The following SLC30A10 variants were observed in gnomAD, a reference collection of about 807,000 sequenced individuals.
The protein encoded by SLC30A10 is calcium/manganese antiporter SLC30A10.
A neutral mutation model predicts 21.7 loss-of-function variants in SLC30A10; 8 were observed. That is an observed-to-expected ratio of 0.37 (90% CI 0.22 to 0.67). The LOEUF (loss-of-function observed/expected upper bound fraction) is 0.67. Among genes scored for constraint, SLC30A10 ranks in the 30% least tolerant of loss-of-function variants. The pLI is 0.58. For synonymous variants in SLC30A10, 272 were observed against 279.4 expected (o/e 0.97, Z 0.26); for missense variants, 521 against 642.5 (o/e 0.81, Z 2.04).
intron 1 of SLC30A10, 104 bp from the exon 2 acceptor site, chr1:219,927,209 G>T: frequency 8.4e-7 from 1 of 1,191,600 alleles, no homozygotes; most frequent in Non-Finnish European, 1.2e-6. Flanking sequence ...ATTTCTACTA[G>T]CTTAAGGGAG....
intron 1 of SLC30A10, 38 bp downstream of exon 1, chr1:219,927,763 A>T: frequency 6.8e-7 from 1 of 1,472,698 alleles, no homozygotes; most frequent in Non-Finnish European, 9.0e-7. Flanking sequence ...AGGAGGAAGG[A>T]AGGGCCAAGC....
chr1:219,949,689 A>G (rs1011584129), intron 1 of SLC30A10, among the ~76,000 whole-genome samples: 2 of 152,054 alleles, frequency 1.3e-5, no homozygotes, highest in African/African-American at 2.4e-5. Context: ...AGCACGACAC[A>G]TGTATACATA....
chr1:219,945,957 T>TA (rs1385847176), intron 1 of SLC30A10, among the ~76,000 whole-genome samples: 2 of 152,230 alleles, frequency 1.3e-5, no homozygotes, highest in Non-Finnish European at 2.9e-5. Flanking sequence ...CATGAAACTA[T>TA]ACTCAAACTG....
chr1:219,927,215 G>T, intron 1 of SLC30A10, 110 bp from the exon 2 acceptor site: 2 of 1,130,562 alleles, frequency 1.8e-6, no homozygotes, highest in East Asian at 2.5e-5. Context: ...ACTAGCTTAA[G>T]GGAGACCCTT....
At chr1:219,950,639 AAAATAAAT>A in intron 1 of SLC30A10, among the ~76,000 whole-genome samples, 1 of 151,898 alleles carries the variant, frequency 6.6e-6, no homozygotes, top group Non-Finnish European at 1.5e-5. Flanking sequence ...ACTCTGTCTA[AAAATAAAT>A]AAATAAATAA....
At chr1:219,948,947 A>G (rs2102545939) in intron 1 of SLC30A10, among the ~76,000 whole-genome samples, 1 of 152,298 alleles carries the variant, frequency 6.6e-6, no homozygotes, top group African/African-American at 2.4e-5. Flanking sequence ...AAGTGGGCGA[A>G]GGACATGAAC....
intron 2 of SLC30A10, among the ~76,000 whole-genome samples, chr1:219,922,034 A>G (rs1440681696): frequency 4.6e-5 from 7 of 151,776 alleles, no homozygotes; most frequent in South Asian, 2.1e-4. Flanking sequence ...GCTCACTCCA[A>G]CTTCGAACTC....
At chr1:219,943,204 G>A (rs1660143367) in intron 1 of SLC30A10, among the ~76,000 whole-genome samples, 1 of 152,104 alleles carries the variant, frequency 6.6e-6, no homozygotes, top group Non-Finnish European at 1.5e-5. Context: ...TAATAGAAGG[G>A]AATAAAGGAA....
At chr1:219,916,363 T>A (rs1431951798) in intron 3 of SLC30A10, among the ~76,000 whole-genome samples, 2 of 152,194 alleles carry the variant, frequency 1.3e-5, no homozygotes, top group Non-Finnish European at 2.9e-5. Context: ...CAAATATGTA[T>A]GTACAAGAAT....
At chr1:219,925,035 C>G (rs1158167679) in intron 2 of SLC30A10, among the ~76,000 whole-genome samples, 1 of 152,174 alleles carries the variant, frequency 6.6e-6, no homozygotes, top group Non-Finnish European at 1.5e-5. Context: ...GTGTCAGTCC[C>G]TGTAAACCAA....
chr1:219,927,925 G>C lies in SLC30A10; in HGVS notation c.516C>G (p.Gly172=), dbSNP rs539271108. Residue 172 remains glycine, a synonymous_variant, in exon 1 of 4, where the codon GGC becomes GGG. Coordinates refer to ENST00000366926, the MANE Select transcript of SLC30A10 (RefSeq NM_018713.3). ...CCGCCGCGCGCCGCGGGTCCTCCGC[G>C]CCCTGAGGCCCCCCGAAAGCGCCGG... ...CVPGAFGGPQ[G]AEDPRRAADP... 6.4e-4 allele frequency: 981 copies of C among 1,537,092 alleles called. 10 individuals are homozygous for C. The South Asian group carries it at 0.011, about 17-fold the overall frequency.
At chr1:219,927,686 A>AAC in intron 1 of SLC30A10, 115 bp downstream of exon 1, 1 of 900,876 alleles carries the variant, frequency 1.1e-6, no homozygotes, top group Non-Finnish European at 1.5e-6. Flanking sequence ...AACAAAAAAA[A>AAC]AAAAACAGAA....
intron 3 of SLC30A10, among the ~76,000 whole-genome samples, chr1:219,916,275 G>A (rs999490915): frequency 6.6e-6 from 1 of 152,102 alleles, no homozygotes; most frequent in Non-Finnish European, 1.5e-5. Context: ...TTCTTAAAAG[G>A]GATGATTTGG....
intron 2 of SLC30A10, among the ~76,000 whole-genome samples, chr1:219,926,461 C>T (rs898135289): frequency 6.7e-6 from 1 of 148,338 alleles, no homozygotes; most frequent in African/African-American, 2.6e-5. Context: ...CTGGGCTGAC[C>T]TTAGTCCAGT....
chr1:219,918,126 C>T lies in SLC30A10; in HGVS notation c.958+129G>A. 8.1e-7 allele frequency: 1 copy of T among 1,236,904 alleles called. No individual in the cohort carries two copies. Among genetic ancestry groups the T allele is most frequent in the South Asian group, 1.4e-5 (1 of 69,354 alleles). The allele number at this position is 1,236,904 out of a possible 1,614,324, so 76.6% of individuals were successfully genotyped here. On this transcript the variant is annotated intron_variant, in intron 3 of 3. Coordinates refer to ENST00000366926, the MANE Select transcript of SLC30A10 (RefSeq NM_018713.3). The surrounding 1 kb of genome is among the most constrained non-coding windows in gnomAD (Gnocchi z 4.4). ...TAGGCTATAAAACATATGATGACAT[C>T]TCTACCACCTGGTGATTTAAGGTGT... is the stretch of plus-strand genomic sequence containing the variant.
chr1:219,914,976 A>G lies in SLC30A10; in HGVS notation c.*473T>C, dbSNP rs1659498346. On this transcript the variant is annotated 3_prime_UTR_variant, in exon 4 of 4. Coordinates refer to ENST00000366926, the MANE Select transcript of SLC30A10 (RefSeq NM_018713.3). ...AAGATATTTCTTCAGTGCCAGAAAT[A>G]CTTAACTTGCCTCTTTTATGATCGT... The G allele has an allele frequency of 6.5e-6, 1 of 154,198 alleles. No individual in the cohort carries two copies. The highest frequency in any genetic ancestry group is 2.0e-4 in the South Asian group (1 of 4,920). The allele number at this position is 154,198 out of a possible 1,614,324, so 9.6% of individuals were successfully genotyped here. A position where few individuals can be genotyped will look rare whatever the true frequency, so the allele number is the denominator to read the frequency against.
intron 1 of SLC30A10, among the ~76,000 whole-genome samples, chr1:219,939,414 A>G (rs553638763): frequency 1.3e-5 from 2 of 152,090 alleles, no homozygotes; most frequent in South Asian, 4.2e-4. Context: ...AGGGCAGGTC[A>G]TGGGTTTCTT....
intron 2 of SLC30A10, among the ~76,000 whole-genome samples, chr1:219,921,907 A>AAGAG (rs1218617156): frequency 1.7e-4 from 11 of 65,972 alleles, no homozygotes; most frequent in African/African-American, 4.7e-4. Flanking sequence ...GTGTGTGTGA[A>AAGAG]AGAGAGAGAG....
chr1:219,949,359 A>T (rs1361181665), intron 1 of SLC30A10, among the ~76,000 whole-genome samples: 2 of 152,112 alleles, frequency 1.3e-5, no homozygotes, highest in Non-Finnish European at 2.9e-5. Flanking sequence ...AACCAACCCA[A>T]ATGTCCAACA....
Sources: allele counts gnomAD v4.1 joint callset (sites outside exome capture counted in the v4.1 genomes callset), GRCh38; gene constraint gnomAD v4.1.1; non-coding constraint Gnocchi (gnomAD v3.1); transcripts MANE v1.5; gene names NCBI Gene and HGNC (gene_info 2026-07-23, HGNC 2026-07-21).